The following AGTPBP1 variants were observed in gnomAD, a reference collection of about 807,000 sequenced individuals.
AGTPBP1 encodes the protein ATP/GTP binding carboxypeptidase 1.
AGTPBP1 carries 70 observed loss-of-function variants against 143.9 expected under a neutral mutation model. That is an observed-to-expected ratio of 0.49 (90% CI 0.40 to 0.59). AGTPBP1 has a LOEUF of 0.59. Ranked by LOEUF, AGTPBP1 falls within the 20% of genes least tolerant of loss-of-function variation. AGTPBP1 has a pLI of 0.00. For missense variants in AGTPBP1, 1,229 were observed against 1,464.5 expected, an observed-to-expected ratio of 0.84 and a Z score of 2.62; for synonymous variants, 463 against 500.2, an observed-to-expected ratio of 0.93 and a Z score of 0.99.
At chr9:85,805,123 C>T in the AGTPBP1 span, among the ~76,000 whole-genome samples, 1 of 152,338 alleles carries the variant, frequency 6.6e-6, no homozygotes, top group Non-Finnish European at 1.5e-5. Context: ...CTGCCCGGCC[C>T]CCGTAGCTCC....
chr9:85,599,922 T>C (rs1291462240), intron 17 of AGTPBP1, among the ~76,000 whole-genome samples: 1 of 152,204 alleles, frequency 6.6e-6, no homozygotes. Context: ...CTTCCTGGGT[T>C]TGAATTCCAA....
chr9:85,628,951 G>A (rs1831480754), intron 14 of AGTPBP1, among the ~76,000 whole-genome samples: 1 of 152,026 alleles, frequency 6.6e-6, no homozygotes, highest in Non-Finnish European at 1.5e-5. Context: ...TCCTGACCTC[G>A]TGATCCACCC....
In AGTPBP1 at chr9:85,657,668, G is replaced by A. The variant is rs780258219; in HGVS notation, c.701-25C>T. 4.5e-6 allele frequency: 7 copies of A among 1,551,232 alleles called. No individual in the cohort carries two copies. The South Asian group carries it at 7.1e-5, about 16-fold the overall frequency. On this transcript the variant is annotated intron_variant, in intron 9 of 25. Transcript: ENST00000357081. ...TCTTTAACAAAAGAAGATTGAGAAA[G>A]AATATTTTTTAAATGACGAGAGTGA...
At chr9:85,608,353 C>T (rs182671221) in intron 17 of AGTPBP1, among the ~76,000 whole-genome samples, 2 of 152,114 alleles carry the variant, frequency 1.3e-5, no homozygotes, top group East Asian at 3.9e-4. Context: ...TCGACAGGGA[C>T]ATACTATTGA....
chr9:85,799,296 T>C, the AGTPBP1 span, among the ~76,000 whole-genome samples: 3 of 152,168 alleles, frequency 2.0e-5, no homozygotes, highest in Non-Finnish European at 2.9e-5. Context: ...AACATACGTG[T>C]GTGTATGTCT....
intron 25 of AGTPBP1, among the ~76,000 whole-genome samples, chr9:85,557,149 T>C (rs1027161310): frequency 6.6e-6 from 1 of 152,198 alleles, no homozygotes; most frequent in Non-Finnish European, 1.5e-5. Context: ...GCCATAAACA[T>C]ATACAATCAT....
intron 8 of AGTPBP1, among the ~76,000 whole-genome samples, chr9:85,669,168 A>C (rs559125444): frequency 2.0e-5 from 3 of 151,852 alleles, no homozygotes; most frequent in African/African-American, 7.2e-5. Flanking sequence ...GAAATATAGT[A>C]GGCACTCAAT....
chr9:85,697,132 T>A (rs996371996), intron 2 of AGTPBP1, among the ~76,000 whole-genome samples: 2 of 152,194 alleles, frequency 1.3e-5, no homozygotes, highest in Non-Finnish European at 2.9e-5. Flanking sequence ...TATATTTCTG[T>A]GTGAACCCAG....
chr9:85,569,334 C>T lies in AGTPBP1; in HGVS notation c.3503+5981G>A, dbSNP rs187779301. On this transcript the variant is annotated intron_variant, in intron 25 of 25. Transcript: ENST00000357081. ...ATGTAAATAATGACAAGAATTTGCA[C>T]TTATTCCTGAAAAGTTTCCAAGAGC... Among the ~76,000 whole-genome samples, 187 of 152,170 alleles carry T rather than the reference C, an allele frequency of 1.2e-3. 1 individual carries two copies. Among genetic ancestry groups the T allele is most frequent in the African/African-American group, 4.3e-3 (178 of 41,542 alleles).
At chr9:85,598,947 C>G (rs1253845855) in intron 17 of AGTPBP1, among the ~76,000 whole-genome samples, 1 of 152,152 alleles carries the variant, frequency 6.6e-6, no homozygotes, top group African/African-American at 2.4e-5. Flanking sequence ...GTCTCAAACT[C>G]CTGACCTCAG....
At chr9:85,710,641 G>A (rs549729988) in intron 2 of AGTPBP1, among the ~76,000 whole-genome samples, 11 of 151,924 alleles carry the variant, frequency 7.2e-5, no homozygotes, top group Admixed American at 2.6e-4. Context: ...TCCTTTAGAC[G>A]AAGACTATTT....
At chr9:85,658,903 C>G (rs1833692355) in intron 9 of AGTPBP1, among the ~76,000 whole-genome samples, 1 of 152,018 alleles carries the variant, frequency 6.6e-6, no homozygotes, top group African/African-American at 2.4e-5. Flanking sequence ...ATTGTTTTGA[C>G]CAAGAAAAGC....
At chr9:85,781,237 A>G in the AGTPBP1 span, 1 of 1,530,748 alleles carries the variant, frequency 6.5e-7, no homozygotes, top group Non-Finnish European at 8.7e-7. Flanking sequence ...AACTTTCAAA[A>G]CATATGAAGA....
chr9:85,741,358 G>C, intron 1 of AGTPBP1: 1 of 985,384 alleles, frequency 1.0e-6, no homozygotes, highest in Non-Finnish European at 1.2e-6. Flanking sequence ...GGGCGGGGGA[G>C]AGCGGGGCTG....
chr9:85,648,045 T>C (rs554332690), intron 11 of AGTPBP1, among the ~76,000 whole-genome samples: 4 of 152,296 alleles, frequency 2.6e-5, no homozygotes, highest in South Asian at 4.1e-4. Flanking sequence ...AAATTCCATG[T>C]TGTAGCAGGA....
chr9:85,644,800 C>T (rs1303293894), intron 12 of AGTPBP1, among the ~76,000 whole-genome samples: 1 of 151,828 alleles, frequency 6.6e-6, no homozygotes, highest in East Asian at 1.9e-4. Flanking sequence ...ATAAATAATA[C>T]CCCCACTATG....
At chr9:85,639,827 T>C (rs1045443213) in intron 13 of AGTPBP1, among the ~76,000 whole-genome samples, 2 of 152,230 alleles carry the variant, frequency 1.3e-5, no homozygotes, top group Non-Finnish European at 2.9e-5. Context: ...ATTGTCACTA[T>C]GAATAAATAA....
At chr9:85,657,969 T>C (rs1348042790) in intron 9 of AGTPBP1, among the ~76,000 whole-genome samples, 2 of 152,166 alleles carry the variant, frequency 1.3e-5, no homozygotes, top group East Asian at 3.8e-4. Flanking sequence ...TTTATGAATA[T>C]ACTGATTTTT....
intron 21 of AGTPBP1, 97 bp downstream of exon 21, chr9:85,588,201 C>G: frequency 9.0e-7 from 1 of 1,106,306 alleles, no homozygotes; most frequent in Non-Finnish European, 1.2e-6. Context: ...CTAGAAAAAT[C>G]ACTAAGTTTG....
Sources: gnomAD v4.1 joint callset for allele counts (sites outside exome capture counted in the v4.1 genomes callset) on GRCh38, gnomAD v4.1.1 for gene constraint, MANE v1.5 for transcripts, NCBI Gene and HGNC (gene_info 2026-07-23, HGNC 2026-07-21) for gene names.